BICD1: variants seen among roughly 807,000 people sequenced by gnomAD.
BICD1 encodes the protein BICD cargo adaptor 1, also known as protein bicaudal D homolog 1.
BICD1 carries 35 observed loss-of-function variants against 92.5 expected under a neutral mutation model. The ratio of observed to expected loss-of-function variants is 0.38; its 90% CI spans 0.29 to 0.50. The LOEUF (loss-of-function observed/expected upper bound fraction) is 0.50, where lower values mean the gene tolerates loss of function less well. Ranked by LOEUF, BICD1 falls within the 20% of genes least tolerant of loss-of-function variation. The pLI is 0.93. For missense variants in BICD1, 950 were observed against 1,189.8 expected, an observed-to-expected ratio of 0.80 and a Z score of 2.97; for synonymous variants, 429 against 465.1, an observed-to-expected ratio of 0.92 and a Z score of 1.00.
At chr12:32,239,260 AAAAAAG>A (rs1174410287) in intron 2 of BICD1, among the ~76,000 whole-genome samples, 2 of 146,230 alleles carry the variant, frequency 1.4e-5, no homozygotes, top group African/African-American at 5.0e-5. Flanking sequence ...AAAAAAAAAA[AAAAAAG>A]AAAAGAAAGG....
rs922551704 is a variant in BICD1 at position 32,107,043 on chromosome 12, G to C, written c.-289G>C. 2.7e-6 allele frequency: 1 copy of C among 373,566 alleles called. No homozygotes were observed. The highest frequency in any genetic ancestry group is 2.1e-5 in the African/African-American group (1 of 47,162). 23.1% of individuals were successfully genotyped at this position (373,566 alleles called of 1,614,324 possible). A position where few individuals can be genotyped will look rare whatever the true frequency, so the allele number is the denominator to read the frequency against. The stretch of plus-strand genomic sequence containing the variant: ...CGCCGCAGCCCGGGCCATGCCGCAC[G>C]GCTGCTGACCGCACGCAGGGGCCGG... On this transcript the variant is annotated 5_prime_UTR_variant, in exon 1 of 10. Coordinates refer to ENST00000652176, the MANE Select transcript of BICD1 (RefSeq NM_001714.4).
At chr12:32,370,168 A>G (rs1263908498) in intron 9 of BICD1, among the ~76,000 whole-genome samples, 2 of 152,102 alleles carry the variant, frequency 1.3e-5, no homozygotes, top group African/African-American at 4.8e-5. Flanking sequence ...AGAGATCGAG[A>G]CCACCTTGGC....
intron 2 of BICD1, among the ~76,000 whole-genome samples, chr12:32,289,439 G>A (rs183664702): frequency 2.4e-4 from 37 of 152,336 alleles, no homozygotes; most frequent in African/African-American, 7.9e-4. Context: ...AGGCTGAAGT[G>A]CAGTGGTGCG....
At chr12:32,339,420 G>A (rs1388610061) in intron 8 of BICD1, 31 of 986,582 alleles carry the variant, frequency 3.1e-5, no homozygotes, top group African/African-American at 3.5e-5. Context: ...GACTCAGAAC[G>A]TCTCCTCAAT....
In BICD1 at chr12:32,342,204, G is replaced by GTATATATA. The variant is rs3075972; in HGVS notation, c.2764+3247_2764+3254dup. Among the ~76,000 whole-genome samples, 536 of 119,282 alleles carry GTATATATA rather than the reference G, an allele frequency of 4.5e-3. 3 individuals carry two copies. Among genetic ancestry groups the GTATATATA allele is most frequent in the Middle Eastern group, 6.9e-3 (1 of 144 alleles). 78.3% of individuals were successfully genotyped at this position (119,282 alleles called of 152,430 possible). On this transcript the variant is annotated intron_variant, in intron 8 of 9. Coordinates refer to ENST00000652176, the MANE Select transcript of BICD1 (RefSeq NM_001714.4). Reference sequence around the variant, plus strand: ...TGTGTATATATATATGTGTGTGTGTGTATATATATATATATATATATATAT... The same window carrying GTATATATA: ...TGTGTATATATATATGTGTGTGTGTGTATATATATATATATATATATATATATATATAT...
chr12:32,209,680 A>G (rs576642088), intron 1 of BICD1, among the ~76,000 whole-genome samples: 6 of 152,288 alleles, frequency 3.9e-5, no homozygotes, highest in Admixed American at 2.6e-4. Flanking sequence ...CAGTGCTGTA[A>G]TTCTTGCTTA....
intron 1 of BICD1, among the ~76,000 whole-genome samples, chr12:32,137,890 C>G (rs2121344581): frequency 6.6e-6 from 1 of 152,114 alleles, no homozygotes; most frequent in East Asian, 1.9e-4. Context: ...CTCCGCCTCC[C>G]AGGTTCAAGC....
chr12:32,195,111 T>G (rs1048350095), intron 1 of BICD1, among the ~76,000 whole-genome samples: 5 of 129,140 alleles, frequency 3.9e-5, no homozygotes, highest in Non-Finnish European at 6.9e-5. Context: ...AAAAAAAAAT[T>G]GAAGACAGAA....
intron 2 of BICD1, among the ~76,000 whole-genome samples, chr12:32,267,971 A>G (rs992273213): frequency 4.8e-5 from 6 of 126,092 alleles, no homozygotes; most frequent in Non-Finnish European, 1.1e-4. Flanking sequence ...GGCTAATTTA[A>G]AAAGTGTTTT....
At chr12:32,236,872 C>CTTTTTTTTTTTTTTTT (rs57318640) in intron 2 of BICD1, among the ~76,000 whole-genome samples, 1 of 89,306 alleles carries the variant, frequency 1.1e-5, no homozygotes, top group African/African-American at 4.7e-5. Context: ...AAGTCTAATT[C>CTTTTTTTTTTTTTTTT]TTTTTTTTTT....
intron 8 of BICD1, among the ~76,000 whole-genome samples, chr12:32,346,779 A>T (rs964681895): frequency 4.6e-4 from 68 of 148,646 alleles, no homozygotes; most frequent in Middle Eastern, 7.0e-3. Flanking sequence ...CACATTTCAA[A>T]TGCTCAACAG....
Position 32,246,521 on chromosome 12 carries a change from T to A in BICD1, c.426+30062T>A, listed in dbSNP as rs111932558. ...GACATGGTGCCGTGTGCCTATAGTC[T>A]CAACTACTTTGGAGGCTAAGGCAGG... On this transcript the variant is annotated intron_variant, in intron 2 of 9. Transcript: ENST00000652176. Among the ~76,000 whole-genome samples the A allele has an allele frequency of 8.8e-3, 1,331 of 151,942 alleles. 16 individuals are homozygous for A. Among genetic ancestry groups the A allele is most frequent in the African/African-American group, 0.03 (1,249 of 41,418 alleles).
chr12:32,220,308 T>A (rs1011702809), intron 2 of BICD1, among the ~76,000 whole-genome samples: 65 of 151,378 alleles, frequency 4.3e-4, no homozygotes, highest in African/African-American at 1.6e-3. Context: ...GAACAGGCAA[T>A]CTACAAAATG....
chr12:32,365,713 T>TGTCAAA (rs1434241793), intron 8 of BICD1, among the ~76,000 whole-genome samples: 1 of 152,148 alleles, frequency 6.6e-6, no homozygotes, highest in African/African-American at 2.4e-5. Context: ...AGTTGTCAAA[T>TGTCAAA]TAGTCTAAGA....
intron 1 of BICD1, among the ~76,000 whole-genome samples, chr12:32,182,606 T>C (rs2121524941): frequency 6.6e-6 from 1 of 151,858 alleles, no homozygotes; most frequent in African/African-American, 2.4e-5. Context: ...CTTTTATATG[T>C]AAATTTCTGT....
At chr12:32,266,062 G>C (rs1274079295) in intron 2 of BICD1, among the ~76,000 whole-genome samples, 1 of 152,082 alleles carries the variant, frequency 6.6e-6, no homozygotes, top group African/African-American at 2.4e-5. Flanking sequence ...ACTTTTAATA[G>C]TGATATATAC....
At chr12:32,148,128 C>T (rs1415754586) in intron 1 of BICD1, among the ~76,000 whole-genome samples, 12 of 86,784 alleles carry the variant, frequency 1.4e-4, no homozygotes, top group African/African-American at 2.5e-4. Flanking sequence ...GGTGACAGAG[C>T]GAGACTCCGT....
chr12:32,114,500 G>C (rs1941817268), intron 1 of BICD1, among the ~76,000 whole-genome samples: 1 of 151,918 alleles, frequency 6.6e-6, no homozygotes, highest in African/African-American at 2.4e-5. Flanking sequence ...TCATGCCTCA[G>C]CCCCCAAGTA....
chr12:32,220,600 G>A (rs1253855382), intron 2 of BICD1, among the ~76,000 whole-genome samples: 1 of 149,782 alleles, frequency 6.7e-6, no homozygotes, highest in African/African-American at 2.5e-5. Flanking sequence ...AACAACAGGT[G>A]CTGGAGAGGA....
Sources: gnomAD v4.1 joint callset for allele counts (sites outside exome capture counted in the v4.1 genomes callset) on GRCh38, gnomAD v4.1.1 for gene constraint, MANE v1.5 for transcripts, NCBI Gene and HGNC (gene_info 2026-07-23, HGNC 2026-07-21) for gene names.